The following GALNT13 variants were observed in gnomAD, a reference collection of about 807,000 sequenced individuals.
The protein encoded by GALNT13 is UDP-GalNAc:polypeptide N-acetylgalactosaminyltransferase 13.
Under a neutral mutation model 64.2 loss-of-function variants are expected in GALNT13, and 28 were observed. The observed-to-expected ratio is 0.44, with a 90% CI of 0.32 to 0.60. GALNT13 has a LOEUF of 0.60. GALNT13 is among the 20% of genes least tolerant of loss of function. The probability of loss-of-function intolerance (pLI) is 0.05; values close to 1 mark genes in which losing one functional copy is unlikely to be tolerated. For synonymous variants in GALNT13, 214 were observed against 224.6 expected (o/e 0.95, Z 0.42); for missense variants, 577 against 669.8 (o/e 0.86, Z 1.53).
chr2:153,675,457 C>T, the GALNT13 span, among the ~76,000 whole-genome samples: 1 of 152,072 alleles, frequency 6.6e-6, no homozygotes, highest in Non-Finnish European at 1.5e-5. Flanking sequence ...GAAAACCAAA[C>T]ACCGCATGTT....
chr2:153,765,693 G>A, the GALNT13 span, among the ~76,000 whole-genome samples: 2 of 152,084 alleles, frequency 1.3e-5, no homozygotes, highest in Non-Finnish European at 2.9e-5. Context: ...TGTGGGAGGG[G>A]TCAGGGGCAG....
chr2:153,362,447 G>T, the GALNT13 span, among the ~76,000 whole-genome samples: 1 of 148,784 alleles, frequency 6.7e-6, no homozygotes, highest in Non-Finnish European at 1.5e-5. Flanking sequence ...TGAATAAAGA[G>T]TCAAGACCCA....
At chr2:153,562,068 G>C in the GALNT13 span, among the ~76,000 whole-genome samples, 387 of 50,562 alleles carry the variant, frequency 7.7e-3, no homozygotes, top group Middle Eastern at 0.019. Flanking sequence ...CTCTGTGTGT[G>C]TGTGTGTGTG....
At chr2:154,031,347 T>C (rs1698325744) in intron 3 of GALNT13, among the ~76,000 whole-genome samples, 4 of 151,662 alleles carry the variant, frequency 2.6e-5, no homozygotes, top group Admixed American at 2.6e-4. Context: ...AGGAAAAAAA[T>C]AAACAACATA....
the GALNT13 span, among the ~76,000 whole-genome samples, chr2:153,281,096 C>A: frequency 6.6e-6 from 1 of 151,966 alleles, no homozygotes; most frequent in Non-Finnish European, 1.5e-5. Context: ...TTAATTGAAC[C>A]CTTTGTCACT....
chr2:153,193,556 C>T, the GALNT13 span, among the ~76,000 whole-genome samples: 1 of 151,748 alleles, frequency 6.6e-6, no homozygotes. Flanking sequence ...TGTAACTAAC[C>T]TGCACAATGT....
At chr2:153,088,592 T>G in the GALNT13 span, among the ~76,000 whole-genome samples, 1 of 152,300 alleles carries the variant, frequency 6.6e-6, no homozygotes, top group East Asian at 1.9e-4. Context: ...TGTTGTCACC[T>G]ATCTCATTTA....
At chr2:153,694,455 A>G in the GALNT13 span, among the ~76,000 whole-genome samples, 1 of 152,242 alleles carries the variant, frequency 6.6e-6, no homozygotes, top group Non-Finnish European at 1.5e-5. Flanking sequence ...AGTACTATAC[A>G]TAATAACATA....
chr2:154,282,559 T>C (rs1692018845), intron 8 of GALNT13, among the ~76,000 whole-genome samples: 1 of 152,166 alleles, frequency 6.6e-6, no homozygotes, highest in Non-Finnish European at 1.5e-5. Context: ...TTCCCTCTTC[T>C]TCTGCATGTG....
At chr2:153,166,554 A>G in the GALNT13 span, among the ~76,000 whole-genome samples, 1 of 151,974 alleles carries the variant, frequency 6.6e-6, no homozygotes, top group South Asian at 2.1e-4. Context: ...AGACAACTTT[A>G]GAGATCCATG....
intron 4 of GALNT13, among the ~76,000 whole-genome samples, chr2:154,177,456 C>G (rs1685714620): frequency 2.0e-5 from 3 of 151,974 alleles, no homozygotes; most frequent in African/African-American, 2.4e-5. Flanking sequence ...TGAAAATACT[C>G]TTGTGATACT....
At chr2:153,223,215 A>T in the GALNT13 span, among the ~76,000 whole-genome samples, 5 of 152,380 alleles carry the variant, frequency 3.3e-5, no homozygotes, top group African/African-American at 9.6e-5. Flanking sequence ...ACAGGCAGAC[A>T]TATCCACTAC....
At chr2:153,709,152 A>G in the GALNT13 span, among the ~76,000 whole-genome samples, 1 of 152,078 alleles carries the variant, frequency 6.6e-6, no homozygotes, top group South Asian at 2.1e-4. Flanking sequence ...AAAACTAAAA[A>G]GATTTGTATA....
At chr2:153,679,322 C>T in the GALNT13 span, among the ~76,000 whole-genome samples, 1 of 151,950 alleles carries the variant, frequency 6.6e-6, no homozygotes, top group Admixed American at 6.6e-5. Flanking sequence ...TTTCTCTGAT[C>T]AAACCATGAC....
At chr2:154,181,705 A>G (rs1685966915) in intron 4 of GALNT13, among the ~76,000 whole-genome samples, 1 of 152,042 alleles carries the variant, frequency 6.6e-6, no homozygotes, top group Non-Finnish European at 1.5e-5. Context: ...TTAATCCTGG[A>G]TGACTGCAGG....
chr2:153,913,738 A>G (rs544310788), intron 2 of GALNT13, among the ~76,000 whole-genome samples: 1 of 152,182 alleles, frequency 6.6e-6, no homozygotes, highest in Non-Finnish European at 1.5e-5. Context: ...GTCCTGGTGA[A>G]CGGCAGTCCC....
the GALNT13 span, among the ~76,000 whole-genome samples, chr2:153,677,250 C>A: frequency 6.1e-5 from 9 of 148,394 alleles, no homozygotes; most frequent in Non-Finnish European, 1.0e-4. Context: ...AGCTTGGAAC[C>A]AAATCAAGGA....
chr2:153,477,085 G>A, the GALNT13 span, among the ~76,000 whole-genome samples: 8 of 152,114 alleles, frequency 5.3e-5, no homozygotes, highest in Non-Finnish European at 1.0e-4. Context: ...GAGACTAAAT[G>A]AAATATAAAA....
the GALNT13 span, among the ~76,000 whole-genome samples, chr2:153,750,857 G>A: frequency 2.0e-5 from 3 of 151,126 alleles, no homozygotes; most frequent in Non-Finnish European, 4.4e-5. Context: ...CTAATTTTGG[G>A]TTTGGTTTGC....
Sources: allele counts gnomAD v4.1 joint callset (sites outside exome capture counted in the v4.1 genomes callset), GRCh38; gene constraint gnomAD v4.1.1; transcripts MANE v1.5; gene names NCBI Gene and HGNC (gene_info 2026-07-23, HGNC 2026-07-21).